Variants in CCDC171 observed in about 807,000 individuals in gnomAD.
CCDC171 encodes the protein coiled-coil domain containing 171.
A neutral mutation model predicts 168.2 loss-of-function variants in CCDC171; 177 were observed. That is an observed-to-expected ratio of 1.05 (90% CI 0.93 to 1.19). The LOEUF (loss-of-function observed/expected upper bound fraction) is 1.19, where lower values mean the gene tolerates loss of function less well. Ranked by LOEUF, CCDC171 falls within the 50% of genes most tolerant of loss-of-function variation. CCDC171 has a pLI of 0.00. For synonymous variants in CCDC171, 687 were observed against 540.8 expected (o/e 1.27, Z -3.75); for missense variants, 1,991 against 1,539.0 (o/e 1.29, Z -4.91).
At chr9:15,792,770 T>G (rs988403589) in intron 21 of CCDC171, among the ~76,000 whole-genome samples, 14 of 152,078 alleles carry the variant, frequency 9.2e-5, no homozygotes, top group African/African-American at 3.1e-4. Flanking sequence ...GACAAGCAAA[T>G]GCTGACAGAT....
chr9:16,020,005 G>A (rs1833119457), intron 3 of CCDC171, among the ~76,000 whole-genome samples: 1 of 152,154 alleles, frequency 6.6e-6, no homozygotes, highest in Non-Finnish European at 1.5e-5. Context: ...TCTGCAAGGG[G>A]TATGTTCCAA....
the CCDC171 span, among the ~76,000 whole-genome samples, chr9:16,075,170 G>T: frequency 3.6e-4 from 55 of 152,244 alleles, no homozygotes; most frequent in African/African-American, 1.3e-3. Context: ...ATGTCTCCCA[G>T]GTTTCCTGTA....
intron 24 of CCDC171, among the ~76,000 whole-genome samples, chr9:15,908,724 G>T (rs370858624): frequency 6.6e-4 from 100 of 152,104 alleles, no homozygotes; most frequent in African/African-American, 2.2e-3. Context: ...TGGTTCTGTA[G>T]GCTTCTAGGG....
chr9:15,610,048 C>G (rs557930797), intron 6 of CCDC171, among the ~76,000 whole-genome samples: 1 of 152,008 alleles, frequency 6.6e-6, no homozygotes, highest in Non-Finnish European at 1.5e-5. Flanking sequence ...TTTATTTCAT[C>G]TTTTGGGTTT....
At chr9:15,970,107 T>C (rs1831198675) in intron 25 of CCDC171, among the ~76,000 whole-genome samples, 1 of 152,210 alleles carries the variant, frequency 6.6e-6, no homozygotes, top group South Asian at 2.1e-4. Flanking sequence ...CCGTCAGCTA[T>C]TGGCCTGCAG....
intron 4 of CCDC171, among the ~76,000 whole-genome samples, chr9:15,583,660 C>G (rs1452465495): frequency 1.3e-5 from 2 of 151,918 alleles, no homozygotes; most frequent in African/African-American, 2.4e-5. Flanking sequence ...GGATGAAAGA[C>G]TACACATTGG....
chr9:15,710,977 C>A (rs1341187966), intron 11 of CCDC171, among the ~76,000 whole-genome samples: 3 of 152,130 alleles, frequency 2.0e-5, no homozygotes, highest in Non-Finnish European at 4.4e-5. Flanking sequence ...TCACAGCCTG[C>A]ATTTTTCTGA....
intron 6 of CCDC171, among the ~76,000 whole-genome samples, chr9:16,024,735 A>G (rs1397259549): frequency 6.6e-6 from 1 of 152,250 alleles, no homozygotes; most frequent in Non-Finnish European, 1.5e-5. Context: ...TGACCAAAGG[A>G]AGTTGTAGCC....
At chr9:16,009,960 A>C (rs1255852265) in intron 3 of CCDC171, among the ~76,000 whole-genome samples, 1 of 152,198 alleles carries the variant, frequency 6.6e-6, no homozygotes. Context: ...TGTTCTTTTT[A>C]TTCCAAAACA....
intron 1 of CCDC171, among the ~76,000 whole-genome samples, chr9:15,561,602 C>T (rs1226226887): frequency 6.6e-6 from 1 of 152,126 alleles, no homozygotes; most frequent in Non-Finnish European, 1.5e-5. Context: ...TGACTGTCCT[C>T]ATCATTCCTT....
intron 21 of CCDC171, among the ~76,000 whole-genome samples, chr9:15,801,812 G>A (rs2058837996): frequency 6.6e-6 from 1 of 151,622 alleles, no homozygotes; most frequent in South Asian, 2.1e-4. Flanking sequence ...TTTTTTTTAG[G>A]CTTTTTTAAA....
intron 25 of CCDC171, among the ~76,000 whole-genome samples, chr9:15,931,456 C>CTTTTTTTTTTTTTTTTTTTTTTTTCTTT (rs57124025): frequency 2.2e-5 from 1 of 44,992 alleles, no homozygotes; most frequent in South Asian, 1.2e-3. Context: ...TTCTTTCTTT[C>CTTTTTTTTTTTTTTTTTTTTTTTTCTTT]TTTTTTTTTT....
chr9:15,647,100 C>T (rs2047103311), intron 7 of CCDC171, among the ~76,000 whole-genome samples: 1 of 152,190 alleles, frequency 6.6e-6, no homozygotes, highest in Admixed American at 6.5e-5. Flanking sequence ...AAGAAACTCA[C>T]TCAAAACCGC....
At chr9:15,959,253 G>C (rs1015222359) in intron 25 of CCDC171, among the ~76,000 whole-genome samples, 1 of 152,116 alleles carries the variant, frequency 6.6e-6, no homozygotes, top group Non-Finnish European at 1.5e-5. Context: ...TTACGATGTG[G>C]CCTTTCCATC....
At chr9:15,879,156 G>A (rs901880295) in intron 24 of CCDC171, among the ~76,000 whole-genome samples, 1 of 152,090 alleles carries the variant, frequency 6.6e-6, no homozygotes, top group African/African-American at 2.4e-5. Context: ...CTGCCATTCA[G>A]ACACAACCAA....
intron 23 of CCDC171, among the ~76,000 whole-genome samples, chr9:15,872,243 A>T (rs553251520): frequency 6.6e-5 from 10 of 152,196 alleles, no homozygotes; most frequent in African/African-American, 2.4e-4. Context: ...TTTATTCAAT[A>T]TAAAGAATTA....
intron 9 of CCDC171, among the ~76,000 whole-genome samples, chr9:15,669,356 T>C (rs1475047915): frequency 6.6e-6 from 1 of 152,210 alleles, no homozygotes; most frequent in East Asian, 1.9e-4. Flanking sequence ...AAATAATAGT[T>C]GTACATATTT....
chr9:15,591,942 T>C (rs1237634478), intron 5 of CCDC171, among the ~76,000 whole-genome samples: 1 of 152,154 alleles, frequency 6.6e-6, no homozygotes, highest in Non-Finnish European at 1.5e-5. Flanking sequence ...ATGTTTGATA[T>C]GAGCTTCATT....
intron 9 of CCDC171, among the ~76,000 whole-genome samples, chr9:15,677,934 T>G (rs10122612): frequency 0.94 from 66,416 of 70,558 alleles, 31,354 homozygotes; most frequent in East Asian, 1. Flanking sequence ...ATAAGAGATG[T>G]GGTCTCATTC....
Sources: allele counts gnomAD v4.1 joint callset (sites outside exome capture counted in the v4.1 genomes callset), GRCh38; gene constraint gnomAD v4.1.1; transcripts MANE v1.5; gene names NCBI Gene and HGNC (gene_info 2026-07-23, HGNC 2026-07-21).